The following MAP3K2 variants were observed in gnomAD, a reference collection of about 807,000 sequenced individuals.
MAP3K2 encodes the protein mitogen-activated protein kinase kinase kinase 2, also known as MAP/ERK kinase kinase 2.
A neutral mutation model predicts 80.3 loss-of-function variants in MAP3K2; 24 were observed. The observed-to-expected ratio is 0.30, with a 90% CI of 0.22 to 0.42. The LOEUF is 0.42. Among genes scored for constraint, MAP3K2 ranks in the 10% least tolerant of loss-of-function variants. The pLI, the probability that MAP3K2 is intolerant of heterozygous loss-of-function variation, is 1.00. For missense variants in MAP3K2, 608 were observed against 750.1 expected, an observed-to-expected ratio of 0.81 and a Z score of 2.21; for synonymous variants, 244 against 253.7, an observed-to-expected ratio of 0.96 and a Z score of 0.36.
chr2:127,341,398 G>A (rs537324078), intron 2 of MAP3K2, among the ~76,000 whole-genome samples: 4 of 152,042 alleles, frequency 2.6e-5, no homozygotes, highest in African/African-American at 9.6e-5. Flanking sequence ...TATTAGGAAG[G>A]TGACATAAAA....
At chr2:127,325,980 T>C (rs182518742) in intron 8 of MAP3K2, among the ~76,000 whole-genome samples, 173 bp from the exon 9 acceptor site, 1 of 152,298 alleles carries the variant, frequency 6.6e-6, no homozygotes, top group African/African-American at 2.4e-5. Context: ...CTCACAATTT[T>C]AGAACAATTC....
rs1482104237 is a variant in MAP3K2, at chr2:127,300,381, A to T, written c.*7198T>A. The T allele has an allele frequency of 1.3e-5, 2 of 152,170 alleles. No individual in the cohort carries two copies. The highest frequency in any genetic ancestry group is 6.5e-5 in the Admixed American group (1 of 15,278). The allele number at this position is 152,170 out of a possible 1,614,324, so 9.4% of individuals were successfully genotyped here. On this transcript the variant is annotated 3_prime_UTR_variant, in exon 17 of 17. Transcript: ENST00000682094. ...CAACTGAGATTAAAAACATTTAGAG[A>T]GAAACCAATAGGTTAAATATAGAGA...
chr2:127,326,135 C>T (rs553232380), intron 8 of MAP3K2, among the ~76,000 whole-genome samples: 1 of 152,112 alleles, frequency 6.6e-6, no homozygotes, highest in South Asian at 2.1e-4. Flanking sequence ...ATATTTCACA[C>T]TATTTTGCTT....
chr2:127,323,433 C>T (rs1213817596), intron 11 of MAP3K2, among the ~76,000 whole-genome samples: 2 of 151,868 alleles, frequency 1.3e-5, no homozygotes, highest in East Asian at 1.9e-4. Context: ...ACCTGTAATC[C>T]CAGCACTTTG....
At chr2:127,357,973 T>C (rs951211088) in intron 1 of MAP3K2, among the ~76,000 whole-genome samples, 2 of 152,044 alleles carry the variant, frequency 1.3e-5, no homozygotes, top group Admixed American at 6.5e-5. Context: ...AAAAAATGCA[T>C]TGAACTTCAA....
At chr2:127,358,213 G>A (rs1305092455) in intron 1 of MAP3K2, among the ~76,000 whole-genome samples, 1 of 152,160 alleles carries the variant, frequency 6.6e-6, no homozygotes, top group Non-Finnish European at 1.5e-5. Flanking sequence ...AAGATAAGAT[G>A]CTCAATATCA....
Position 127,323,998 on chromosome 2 carries a change from T to C in MAP3K2, c.746-4A>G, listed in dbSNP as rs752621282. The C allele has an allele frequency of 7.3e-6, 10 of 1,374,786 alleles. No homozygotes were observed. The highest frequency in any genetic ancestry group is 4.6e-5 in the East Asian group (2 of 43,218). The allele number at this position is 1,374,786 out of a possible 1,614,324, so 85.2% of individuals were successfully genotyped here. ...TCAAAGATAGGGTTATCATAGTCTG[T>C]TAAGACATATAAGATGGTTATCTTT... is the stretch of plus-strand genomic sequence containing the variant. On this transcript the variant is annotated splice_region_variant and splice_polypyrimidine_tract_variant and intron_variant, in intron 10 of 16. Coordinates refer to ENST00000682094, the MANE Select transcript of MAP3K2 (RefSeq NM_001371910.2).
chr2:127,324,164 A>G lies in MAP3K2; in HGVS notation c.745+10T>C, dbSNP rs1196508530. On this transcript the variant is annotated intron_variant, in intron 10 of 16. Transcript: ENST00000682094. ...AAACATTTAAACATTTAGAATTTAT[A>G]AAGTCTAACCTGAAAATTCCTGATG... 1 of 1,515,526 alleles carries G rather than the reference A, an allele frequency of 6.6e-7. No homozygotes were observed. The highest frequency in any genetic ancestry group is 1.4e-5 in the African/African-American group (1 of 71,438). The allele number at this position is 1,515,526 out of a possible 1,614,324, so 93.9% of individuals were successfully genotyped here. A position where few individuals can be genotyped will look rare whatever the true frequency, so the allele number is the denominator to read the frequency against.
At chr2:127,383,486 T>A (rs891829057) in intron 1 of MAP3K2, among the ~76,000 whole-genome samples, 3 of 152,248 alleles carry the variant, frequency 2.0e-5, no homozygotes, top group Non-Finnish European at 4.4e-5. Flanking sequence ...TGGATCGTCA[T>A]TGGTGTATAG....
intron 4 of MAP3K2, among the ~76,000 whole-genome samples, chr2:127,337,245 T>C (rs949205059): frequency 3.3e-5 from 5 of 152,148 alleles, no homozygotes; most frequent in Admixed American, 2.0e-4. Flanking sequence ...AGATACCAAG[T>C]AGAAGACTAG....
rs568935397 is a variant in MAP3K2, at chr2:127,299,839, T to C, written c.*7740A>G. ...TCTCTCAGAAAGCTTTTATATATAT[T>C]TAATTATCACAACTAAACAGTACCC... On this transcript the variant is annotated 3_prime_UTR_variant, in exon 17 of 17. Coordinates refer to ENST00000682094, the MANE Select transcript of MAP3K2 (RefSeq NM_001371910.2). 1 of 152,182 alleles carries C rather than the reference T, an allele frequency of 6.6e-6. No homozygotes were observed. The highest frequency in any genetic ancestry group is 1.9e-4 in the East Asian group (1 of 5,188). The allele number at this position is 152,182 out of a possible 1,614,324, so 9.4% of individuals were successfully genotyped here.
intron 7 of MAP3K2, among the ~76,000 whole-genome samples, chr2:127,327,953 C>G (rs887774991): frequency 5.9e-5 from 9 of 152,148 alleles, no homozygotes; most frequent in African/African-American, 2.2e-4. Flanking sequence ...TTAACTAGTA[C>G]ATTTAGCTTG....
intron 1 of MAP3K2, among the ~76,000 whole-genome samples, chr2:127,349,099 GA>G (rs1427659187): frequency 1.3e-5 from 2 of 151,560 alleles, no homozygotes; most frequent in South Asian, 2.1e-4. Flanking sequence ...AATTATCAAA[GA>G]AAAAATGTAA....
At chr2:127,375,463 G>A (rs1421632388) in intron 1 of MAP3K2, among the ~76,000 whole-genome samples, 2 of 150,556 alleles carry the variant, frequency 1.3e-5, no homozygotes, top group African/African-American at 2.4e-5. Context: ...AAGCTGGAGT[G>A]CAGTGGTGCG....
At chr2:127,333,304 A>C (rs72845977) in intron 5 of MAP3K2, among the ~76,000 whole-genome samples, 68 of 146,528 alleles carry the variant, frequency 4.6e-4, no homozygotes, top group Middle Eastern at 7.0e-3. Context: ...ACACACACAC[A>C]CCCCTTATTA....
chr2:127,339,076 C>T lies in MAP3K2; in HGVS notation c.5-26G>A. The T allele has an allele frequency of 1.5e-6, 2 of 1,365,562 alleles. No homozygotes were observed. Among genetic ancestry groups the T allele is most frequent in the Non-Finnish European group, 2.1e-6 (2 of 967,956 alleles). 84.6% of individuals were successfully genotyped at this position (1,365,562 alleles called of 1,614,324 possible). A position where few individuals can be genotyped will look rare whatever the true frequency, so the allele number is the denominator to read the frequency against. The stretch of plus-strand genomic sequence containing the variant: ...CTAGGTAGTTTTGAAACAACACATA[C>T]ATAGAATTGTAATTGTGACATATAT... On this transcript the variant is annotated intron_variant, in intron 2 of 16. Transcript: ENST00000682094. This position sits in a 1 kb window ranked among gnomAD's most constrained non-coding sequence, Gnocchi z 4.2.
In MAP3K2 at chr2:127,300,150, C is replaced by T. The variant is rs910649981; in HGVS notation, c.*7429G>A. 3 of 152,118 alleles carry T rather than the reference C, an allele frequency of 2.0e-5. No individual in the cohort carries two copies. The highest frequency in any genetic ancestry group is 4.4e-5 in the Non-Finnish European group (3 of 67,976). 9.4% of individuals were successfully genotyped at this position (152,118 alleles called of 1,614,324 possible). The stretch of plus-strand genomic sequence containing the variant: ...TAAGTCAGTAATAGCAGTGCAGTAA[C>T]TGATGGCTACATCTTGAAAGAAGTT... On this transcript the variant is annotated 3_prime_UTR_variant, in exon 17 of 17. Transcript: ENST00000682094.
intron 1 of MAP3K2, among the ~76,000 whole-genome samples, chr2:127,378,790 G>A (rs948303496): frequency 2.6e-5 from 4 of 152,032 alleles, no homozygotes; most frequent in Middle Eastern, 3.4e-3. Context: ...TTTTTGAGAT[G>A]GGGTCTCACT....
Position 127,338,970 on chromosome 2 carries a change from C to T in MAP3K2, c.85G>A (p.Glu29Lys). ...KASRPALSLQ[E>K]TRKAKSSSPK... The stretch of plus-strand genomic sequence containing the variant: ...GATGAAGATTTTGCTTTTCTGGTTT[C>T]CTGCAAGGATAATGCTGGTCGACTG... Residue 29 changes from glutamate (E) to lysine (K), a missense_variant, in exon 3 of 17, where the codon GAA becomes AAA. Transcript: ENST00000682094. 6.2e-7 allele frequency: 1 copy of T among 1,611,772 alleles called. No homozygotes were observed. Among genetic ancestry groups the T allele is most frequent in the Non-Finnish European group, 8.5e-7 (1 of 1,179,048 alleles).
Sources: allele counts gnomAD v4.1 joint callset (sites outside exome capture counted in the v4.1 genomes callset), GRCh38; gene constraint gnomAD v4.1.1; non-coding constraint Gnocchi (gnomAD v3.1); transcripts MANE v1.5; gene names NCBI Gene and HGNC (gene_info 2026-07-23, HGNC 2026-07-21).